The following HDAC9 variants were observed in gnomAD, a reference collection of about 807,000 sequenced individuals.
HDAC9 encodes MEF-2 interacting transcription repressor (MITR) protein.
Under a neutral mutation model 139.4 loss-of-function variants are expected in HDAC9, and 41 were observed. The observed-to-expected ratio is 0.29, with a 90% CI of 0.23 to 0.38. The LOEUF is 0.38. HDAC9 is among the 10% of genes least tolerant of loss of function. The pLI is 1.00. For missense variants in HDAC9, 1,147 were observed against 1,297.0 expected (o/e 0.88, Z 1.78); for synonymous variants, 517 against 476.2 (o/e 1.09, Z -1.12).
chr7:18,184,732 C>G (rs1190764934), intron 2 of HDAC9, among the ~76,000 whole-genome samples: 1 of 152,144 alleles, frequency 6.6e-6, no homozygotes, highest in African/African-American at 2.4e-5. Context: ...ATTTCACAAT[C>G]AGAATCCAGC....
chr7:18,236,256 A>T (rs985653693), intron 2 of HDAC9, among the ~76,000 whole-genome samples: 1 of 152,152 alleles, frequency 6.6e-6, no homozygotes, highest in Admixed American at 6.5e-5. Flanking sequence ...CCCACCTCAG[A>T]CCTGCACACA....
At chr7:18,219,546 A>G (rs1239151222) in intron 2 of HDAC9, among the ~76,000 whole-genome samples, 1 of 152,114 alleles carries the variant, frequency 6.6e-6, no homozygotes, top group East Asian at 1.9e-4. Context: ...AGTGCTGAGG[A>G]ACATTTGTCA....
Position 18,763,808 on chromosome 7 carries a change from A to G in HDAC9, c.2164+1531A>G, listed in dbSNP as rs114176618. On this transcript the variant is annotated intron_variant, in intron 15 of 25. Coordinates refer to ENST00000686413, the MANE Select transcript of HDAC9 (RefSeq NM_178425.4). ...TTAATTGAGTTAAGAAAAAACAAGTAGAAAACCTCCCCCCACTTTTTAAAA... is the reference window on the plus strand; with the variant it reads ...TTAATTGAGTTAAGAAAAAACAAGTGGAAAACCTCCCCCCACTTTTTAAAA... 6.6e-3 allele frequency among the ~76,000 whole-genome samples: 1,010 copies of G among 152,222 alleles called. 4 individuals are homozygous for G. Among genetic ancestry groups the G allele is most frequent in the Middle Eastern group, 0.024 (7 of 294 alleles).
intron 1 of HDAC9, among the ~76,000 whole-genome samples, chr7:18,292,383 C>T (rs1325670732): frequency 2.0e-5 from 3 of 152,128 alleles, no homozygotes; most frequent in Admixed American, 2.0e-4. Context: ...ACTCGAAATG[C>T]ATCCGTGGTT....
At chr7:18,323,436 A>G (rs4142170) in intron 1 of HDAC9, among the ~76,000 whole-genome samples, 68,119 of 151,958 alleles carry the variant, frequency 0.45, 17,662 homozygotes, top group Non-Finnish European at 0.56. Flanking sequence ...AGGGATACAC[A>G]CCTCACCCAC....
intron 12 of HDAC9, among the ~76,000 whole-genome samples, chr7:18,708,279 G>A (rs1310118717): frequency 6.6e-6 from 1 of 152,064 alleles, no homozygotes; most frequent in Non-Finnish European, 1.5e-5. Context: ...TGGAAGGGTG[G>A]TTATGGAGAA....
At chr7:18,117,191 T>G (rs949768704) in intron 1 of HDAC9, among the ~76,000 whole-genome samples, 3 of 152,064 alleles carry the variant, frequency 2.0e-5, no homozygotes, top group Non-Finnish European at 2.9e-5. Flanking sequence ...GCCGATGTAA[T>G]GAAGTTAAGA....
intron 13 of HDAC9, among the ~76,000 whole-genome samples, chr7:18,733,177 ATG>A (rs1424894923): frequency 6.8e-6 from 1 of 147,614 alleles, no homozygotes; most frequent in African/African-American, 2.5e-5. Context: ...ACATGTATAT[ATG>A]TGTCTATACA....
intron 1 of HDAC9, among the ~76,000 whole-genome samples, chr7:18,127,718 C>G (rs1784756044): frequency 6.6e-6 from 1 of 152,046 alleles, no homozygotes; most frequent in African/African-American, 2.4e-5. Context: ...TTTTTAGACC[C>G]TGTGCAAAGA....
intron 23 of HDAC9, among the ~76,000 whole-genome samples, chr7:18,937,391 T>C (rs1169920012): frequency 6.6e-6 from 1 of 152,110 alleles, no homozygotes; most frequent in Non-Finnish European, 1.5e-5. Flanking sequence ...TATCTAATGA[T>C]TAGTGTCAAC....
chr7:18,110,695 A>G (rs553609868), intron 1 of HDAC9, among the ~76,000 whole-genome samples: 8 of 152,192 alleles, frequency 5.3e-5, no homozygotes, highest in Non-Finnish European at 7.3e-5. Context: ...CATAGTCACA[A>G]TTTTAAGCAA....
At chr7:18,443,554 A>C (rs974560024) in intron 1 of HDAC9, among the ~76,000 whole-genome samples, 8 of 152,208 alleles carry the variant, frequency 5.3e-5, no homozygotes, top group African/African-American at 1.9e-4. Flanking sequence ...ATTCTAAAAA[A>C]CATGTTATGC....
chr7:18,443,085 A>G (rs1371496120), intron 1 of HDAC9, among the ~76,000 whole-genome samples: 1 of 152,238 alleles, frequency 6.6e-6, no homozygotes, highest in African/African-American at 2.4e-5. Flanking sequence ...CTCTGCCCTG[A>G]TACAAATCCA....
At chr7:18,941,150 TTG>T (rs1781998613) in intron 23 of HDAC9, among the ~76,000 whole-genome samples, 1 of 143,288 alleles carries the variant, frequency 7.0e-6, no homozygotes, top group South Asian at 2.4e-4. Context: ...ATTTCTTTTT[TTG>T]TCTCTTCTTT....
At chr7:18,593,561 A>G (rs1285797406) in intron 5 of HDAC9, among the ~76,000 whole-genome samples, 1 of 152,132 alleles carries the variant, frequency 6.6e-6, no homozygotes. Context: ...ACTGTTGACT[A>G]GAAAGGATTG....
At chr7:18,534,514 T>G (rs1020857296) in intron 2 of HDAC9, among the ~76,000 whole-genome samples, 1 of 152,200 alleles carries the variant, frequency 6.6e-6, no homozygotes, top group African/African-American at 2.4e-5. Context: ...GCCACTGCAC[T>G]TCAGCTTGGG....
chr7:18,859,756 C>T (rs1006467501), intron 21 of HDAC9, among the ~76,000 whole-genome samples: 3 of 135,636 alleles, frequency 2.2e-5, no homozygotes, highest in East Asian at 2.2e-4. Context: ...TATTTTTATG[C>T]CTACAAAGCT....
chr7:18,433,021 A>G (rs1300491638), intron 1 of HDAC9, among the ~76,000 whole-genome samples: 1 of 152,028 alleles, frequency 6.6e-6, no homozygotes, highest in African/African-American at 2.4e-5. Flanking sequence ...CTATGATTAT[A>G]CACACATCAA....
chr7:18,432,466 A>T (rs1213344648), intron 1 of HDAC9, among the ~76,000 whole-genome samples: 2 of 152,230 alleles, frequency 1.3e-5, no homozygotes, highest in Admixed American at 6.5e-5. Context: ...AACATTAAAT[A>T]AAAATGGACA....
Sources: gnomAD v4.1 joint callset for allele counts (sites outside exome capture counted in the v4.1 genomes callset) on GRCh38, gnomAD v4.1.1 for gene constraint, MANE v1.5 for transcripts, NCBI Gene and HGNC (gene_info 2026-07-23, HGNC 2026-07-21) for gene names.